SNX13: variants seen among roughly 807,000 people sequenced by gnomAD.
SNX13 encodes sorting nexin-13.
SNX13 carries 45 observed loss-of-function variants against 133.6 expected under a neutral mutation model. That is an observed-to-expected ratio of 0.34 (90% CI 0.27 to 0.43). SNX13 has a LOEUF of 0.43. SNX13 is among the 20% of genes least tolerant of loss of function. The pLI, the probability that SNX13 is intolerant of heterozygous loss-of-function variation, is 1.00. For missense variants in SNX13, 1,032 were observed against 1,145.1 expected (o/e 0.90, Z 1.43); for synonymous variants, 414 against 373.9 (o/e 1.11, Z -1.24).
chr7:17,845,564 T>C, intron 12 of SNX13, 31 bp downstream of exon 12: 2 of 1,342,372 alleles, frequency 1.5e-6, no homozygotes, highest in Non-Finnish European at 2.1e-6. Context: ...ATTCAATGGC[T>C]GTATCATTTA....
intron 8 of SNX13, 96 bp downstream of exon 8, chr7:17,873,432 A>G: frequency 1.9e-6 from 1 of 530,926 alleles, no homozygotes; most frequent in Non-Finnish European, 3.0e-6. Flanking sequence ...GTCTTCAATA[A>G]TTTTTAAGAG....
intron 2 of SNX13, 72 bp downstream of exon 2, chr7:17,897,262 T>C: frequency 1.3e-6 from 1 of 797,114 alleles, no homozygotes; most frequent in Non-Finnish European, 1.8e-6. Context: ...ATACTCCCGT[T>C]TCTCAGTCAT....
intron 1 of SNX13, among the ~76,000 whole-genome samples, chr7:17,913,760 CAAAAAAAAAAAAAA>C (rs71010278): frequency 1.8e-5 from 1 of 54,078 alleles, no homozygotes; most frequent in South Asian, 1.0e-3. Flanking sequence ...TTAACAAAAA[CAAAAAAAAAAAAAA>C]AAAAAAAAGA....
chr7:17,799,181 A>G (rs374688223), intron 22 of SNX13, 27 bp from the exon 23 acceptor site: 1 of 1,560,928 alleles, frequency 6.4e-7, no homozygotes, highest in Non-Finnish European at 8.7e-7. Flanking sequence ...AATAAGAATA[A>G]GTTTGAGTTA....
intron 24 of SNX13, among the ~76,000 whole-genome samples, chr7:17,798,269 A>G (rs1374094087): frequency 6.6e-6 from 1 of 151,888 alleles, no homozygotes; most frequent in Non-Finnish European, 1.5e-5. Flanking sequence ...AGAGGTTCCA[A>G]TATTTAATAA....
At chr7:17,801,285 G>A (rs968430793) in intron 22 of SNX13, among the ~76,000 whole-genome samples, 2 of 151,510 alleles carry the variant, frequency 1.3e-5, no homozygotes, top group African/African-American at 2.4e-5. Flanking sequence ...CATGGAATAC[G>A]TACCTTACAG....
At chr7:17,804,319 G>A (rs2128289136) in intron 20 of SNX13, among the ~76,000 whole-genome samples, 1 of 152,234 alleles carries the variant, frequency 6.6e-6, no homozygotes, top group African/African-American at 2.4e-5. Context: ...ATACTGAACA[G>A]AAAACAGGTA....
chr7:17,923,439 G>C (rs1030244326), intron 1 of SNX13, among the ~76,000 whole-genome samples: 1 of 152,156 alleles, frequency 6.6e-6, no homozygotes, highest in Admixed American at 6.5e-5. Flanking sequence ...AGGGCAAACA[G>C]ACTGCTGCCA....
chr7:17,933,129 G>T (rs1021925857), intron 1 of SNX13, among the ~76,000 whole-genome samples: 3 of 152,098 alleles, frequency 2.0e-5, no homozygotes, highest in African/African-American at 7.2e-5. Context: ...GCTTTTCAAG[G>T]ATTTACCAAG....
intron 1 of SNX13, among the ~76,000 whole-genome samples, chr7:17,934,074 T>G (rs566495206): frequency 1.3e-5 from 2 of 152,220 alleles, no homozygotes; most frequent in Non-Finnish European, 2.9e-5. Flanking sequence ...AATTTGTTGA[T>G]AGACACAGTA....
intron 25 of SNX13, chr7:17,794,674 A>C (rs1052581480): frequency 2.5e-5 from 4 of 160,304 alleles, no homozygotes; most frequent in African/African-American, 9.6e-5. Flanking sequence ...AGGATTTATA[A>C]GTCTTTAATG....
intron 2 of SNX13, 132 bp from the exon 3 acceptor site, chr7:17,893,566 C>T: frequency 1.6e-6 from 1 of 609,774 alleles, no homozygotes. Context: ...GTGACTTTGG[C>T]AAAGCAAGAA....
chr7:17,842,872 A>AT (rs1183219893), intron 12 of SNX13, among the ~76,000 whole-genome samples: 1 of 152,056 alleles, frequency 6.6e-6, no homozygotes, highest in African/African-American at 2.4e-5. Flanking sequence ...TTCAAATTAC[A>AT]GTGTTATAAA....
intron 13 of SNX13, among the ~76,000 whole-genome samples, chr7:17,835,726 A>C (rs1291831975): frequency 1.3e-5 from 2 of 151,978 alleles, no homozygotes; most frequent in East Asian, 3.9e-4. Context: ...GAACAGGTAG[A>C]TAAATCAAGA....
intron 1 of SNX13, among the ~76,000 whole-genome samples, chr7:17,915,210 A>G (rs1276554521): frequency 6.6e-6 from 1 of 152,158 alleles, no homozygotes; most frequent in Non-Finnish European, 1.5e-5. Flanking sequence ...GAGCACCCAG[A>G]TTTATAAAAT....
rs888219232 is a variant in SNX13, at chr7:17,875,056, G to C, written c.664+424C>G. 2.0e-5 allele frequency among the ~76,000 whole-genome samples: 3 copies of C among 152,052 alleles called. No individual in the cohort carries two copies. In the South Asian group the frequency reaches 6.2e-4, roughly 32 times the overall value. ...GGTCTCACTCTCGTCACTCAGGCTG[G>C]AGTGCAATAGCATGATCACAGGTCA... On this transcript the variant is annotated intron_variant, in intron 7 of 25. Transcript: ENST00000428135.
intron 2 of SNX13, 60 bp from the exon 3 acceptor site, chr7:17,893,494 C>A: frequency 1.9e-6 from 2 of 1,034,778 alleles, no homozygotes; most frequent in South Asian, 1.5e-5. Flanking sequence ...TTTAATGAAT[C>A]TACTACCAAG....
chr7:17,801,489 T>C, intron 22 of SNX13, 99 bp downstream of exon 22: 2 of 817,074 alleles, frequency 2.4e-6, no homozygotes, highest in Non-Finnish European at 3.9e-6. Context: ...ACTTATAATA[T>C]GTGCACATTA....
intron 9 of SNX13, among the ~76,000 whole-genome samples, chr7:17,853,772 T>C (rs778644537): frequency 6.6e-6 from 1 of 151,936 alleles, no homozygotes; most frequent in African/African-American, 2.4e-5. Flanking sequence ...TGAAACCCCG[T>C]CTCTACTAAA....
Sources: allele counts gnomAD v4.1 joint callset (sites outside exome capture counted in the v4.1 genomes callset), GRCh38; gene constraint gnomAD v4.1.1; transcripts MANE v1.5; gene names NCBI Gene and HGNC (gene_info 2026-07-23, HGNC 2026-07-21).